PARVA: variants seen among roughly 807,000 people sequenced by gnomAD.
PARVA encodes parvin alpha.
In PARVA, 25 loss-of-function variants were observed where a neutral mutation model predicts 52.6. That is an observed-to-expected ratio of 0.48 (90% confidence interval 0.35 to 0.66). The LOEUF (loss-of-function observed/expected upper bound fraction) is 0.66. PARVA is among the 30% of genes least tolerant of loss of function. The pLI, the probability that PARVA is intolerant of heterozygous loss-of-function variation, is 0.01. For missense variants in PARVA, 373 were observed against 450.9 expected (o/e 0.83, Z 1.56); for synonymous variants, 185 against 179.1 (o/e 1.03, Z -0.26).
rs1941807446 is a variant in PARVA at position 12,534,100 on chromosome 11, A to G, written c.*6175A>G. Among the ~76,000 whole-genome samples, 1 of 152,150 alleles carries G rather than the reference A, an allele frequency of 6.6e-6. No individual in the cohort carries two copies. On this transcript the variant is annotated 3_prime_UTR_variant, in exon 13 of 13. Coordinates refer to ENST00000334956, the MANE Select transcript of PARVA (RefSeq NM_018222.5). ...GAAGTATTGCTTGAACCCAGGAGGC[A>G]GAGGTTGCAATGAGCTGAGATCGCA... is the stretch of plus-strand genomic sequence containing the variant.
intron 1 of PARVA, among the ~76,000 whole-genome samples, chr11:12,378,981 G>C (rs925604221): frequency 1.3e-5 from 2 of 152,200 alleles, no homozygotes; most frequent in Non-Finnish European, 2.9e-5. Context: ...AGACAGAGCA[G>C]CCTGGGGCTG....
intron 1 of PARVA, among the ~76,000 whole-genome samples, chr11:12,458,227 A>G (rs1940724794): frequency 6.6e-6 from 1 of 152,198 alleles, no homozygotes; most frequent in Admixed American, 6.5e-5. Context: ...TCTTCCCAGA[A>G]GAGTCGTAAA....
intron 1 of PARVA, among the ~76,000 whole-genome samples, chr11:12,414,271 C>T (rs151118342): frequency 3.3e-5 from 5 of 152,218 alleles, no homozygotes; most frequent in African/African-American, 7.2e-5. Context: ...TAGAGATGCC[C>T]GTTAGGAGTT....
At chr11:12,402,059 G>A (rs1939836160) in intron 1 of PARVA, among the ~76,000 whole-genome samples, 1 of 152,204 alleles carries the variant, frequency 6.6e-6, no homozygotes. Context: ...TCAAGGCCCT[G>A]GGAGGGAACG....
intron 1 of PARVA, among the ~76,000 whole-genome samples, chr11:12,446,529 AG>A (rs1940550576): frequency 6.6e-6 from 1 of 152,224 alleles, no homozygotes; most frequent in African/African-American, 2.4e-5. Context: ...ACTTACATGG[AG>A]AGTTTTACCT....
intron 1 of PARVA, among the ~76,000 whole-genome samples, chr11:12,460,813 G>A (rs866619452): frequency 2.0e-5 from 3 of 152,176 alleles, no homozygotes; most frequent in Admixed American, 6.5e-5. Context: ...ATGAAGAGAG[G>A]AAACTTAACT....
intron 1 of PARVA, among the ~76,000 whole-genome samples, chr11:12,470,576 G>A (rs1327080656): frequency 6.6e-6 from 1 of 152,152 alleles, no homozygotes; most frequent in East Asian, 1.9e-4. Flanking sequence ...ATCTAATAGT[G>A]AACAAAAGAG....
intron 1 of PARVA, among the ~76,000 whole-genome samples, chr11:12,436,891 T>G (rs1940394738): frequency 6.6e-6 from 1 of 152,198 alleles, no homozygotes; most frequent in African/African-American, 2.4e-5. Context: ...CTCCAGAGTT[T>G]CAATGAAACT....
chr11:12,514,020 G>C lies in PARVA; in HGVS notation c.822G>C (p.Lys274Asn). ...VKKTLITFVN[K>N]HLNKLNLEVT... Reference sequence around the variant, plus strand: ...AGACACTCATCACTTTCGTGAACAAGCACCTGAATAAACTGAACCTGGAGG... The same window carrying C: ...AGACACTCATCACTTTCGTGAACAACCACCTGAATAAACTGAACCTGGAGG... The change falls in exon 10 of 13, where the codon AAG becomes AAC. Residue 274 changes from lysine to asparagine, a missense_variant. Transcript: ENST00000334956. 1 of 1,614,088 alleles carries C rather than the reference G, an allele frequency of 6.2e-7. No individual in the cohort carries two copies. The highest frequency in any genetic ancestry group is 8.5e-7 in the Non-Finnish European group (1 of 1,179,950).
chr11:12,432,540 CAA>C (rs1240659151), intron 1 of PARVA, among the ~76,000 whole-genome samples: 1 of 152,140 alleles, frequency 6.6e-6, no homozygotes, highest in African/African-American at 2.4e-5. Context: ...TTTGTGAATC[CAA>C]AGAGGTAACT....
intron 1 of PARVA, among the ~76,000 whole-genome samples, chr11:12,416,782 AGGAG>A (rs1210485160): frequency 7.1e-6 from 1 of 141,722 alleles, no homozygotes; most frequent in Non-Finnish European, 1.5e-5. Context: ...AGAAGGGAAG[AGGAG>A]GGAGGGAGGG....
chr11:12,448,412 T>C (rs1371406606), intron 1 of PARVA, among the ~76,000 whole-genome samples: 1 of 152,130 alleles, frequency 6.6e-6, no homozygotes, highest in African/African-American at 2.4e-5. Flanking sequence ...AGCAGTTGGA[T>C]GGGATGATGC....
intron 1 of PARVA, among the ~76,000 whole-genome samples, chr11:12,414,832 T>C (rs1016088349): frequency 2.0e-5 from 3 of 152,220 alleles, no homozygotes; most frequent in Non-Finnish European, 4.4e-5. Flanking sequence ...CTGTGGGTTA[T>C]GGCCAGCCCT....
intron 1 of PARVA, among the ~76,000 whole-genome samples, chr11:12,378,243 G>T (rs1165937757): frequency 6.6e-6 from 1 of 152,172 alleles, no homozygotes; most frequent in Non-Finnish European, 1.5e-5. Context: ...TGCCTTCATT[G>T]GTCCTTAAAA....
intron 10 of PARVA, among the ~76,000 whole-genome samples, chr11:12,517,186 G>A (rs1012634381): frequency 6.6e-6 from 1 of 151,972 alleles, no homozygotes; most frequent in Non-Finnish European, 1.5e-5. Flanking sequence ...GCTTGTGGGC[G>A]ACCTTTCTCA....
chr11:12,468,325 T>C (rs1355327338), intron 1 of PARVA, among the ~76,000 whole-genome samples: 1 of 152,224 alleles, frequency 6.6e-6, no homozygotes, highest in African/African-American at 2.4e-5. Context: ...GTAATGCTTA[T>C]TGGTTGAATG....
At chr11:12,512,995 A>G (rs1194556765) in intron 8 of PARVA, among the ~76,000 whole-genome samples, 1 of 152,240 alleles carries the variant, frequency 6.6e-6, no homozygotes, top group Non-Finnish European at 1.5e-5. Flanking sequence ...ACGTTAGGAT[A>G]TAATGGAATA....
chr11:12,402,579 G>T (rs1031636166), intron 1 of PARVA, among the ~76,000 whole-genome samples: 2 of 152,130 alleles, frequency 1.3e-5, no homozygotes, highest in African/African-American at 4.8e-5. Context: ...AGCTTTTTCT[G>T]TCTTGGTAAA....
rs1941784714 is a variant in PARVA, at chr11:12,532,486, C to A, written c.*4561C>A. Reference sequence around the variant, plus strand: ...GATGAGTACTCTGAACTCAGGACTTCATTTAGTCATATATTCGGCAAGTAT... The same window carrying A: ...GATGAGTACTCTGAACTCAGGACTTAATTTAGTCATATATTCGGCAAGTAT... On this transcript the variant is annotated 3_prime_UTR_variant, in exon 13 of 13. Transcript: ENST00000334956. Among the ~76,000 whole-genome samples the A allele has an allele frequency of 6.6e-6, 1 of 152,150 alleles. No individual in the cohort carries two copies. Among genetic ancestry groups the A allele is most frequent in the Non-Finnish European group, 1.5e-5 (1 of 68,036 alleles).
Sources: allele counts gnomAD v4.1 joint callset (sites outside exome capture counted in the v4.1 genomes callset), GRCh38; gene constraint gnomAD v4.1.1; transcripts MANE v1.5; gene names NCBI Gene and HGNC (gene_info 2026-07-23, HGNC 2026-07-21).